The following ADGRL4 variants were observed in gnomAD, a reference collection of about 807,000 sequenced individuals.
The protein encoded by ADGRL4 is EGF, latrophilin and seven transmembrane domain containing 1.
Under a neutral mutation model 74.8 loss-of-function variants are expected in ADGRL4, and 90 were observed. The ratio of observed to expected loss-of-function variants is 1.20; its 90% confidence interval spans 1.02 to 1.43. The LOEUF (loss-of-function observed/expected upper bound fraction) is 1.43. Among genes scored for constraint, ADGRL4 ranks in the 40% most tolerant of loss-of-function variants. ADGRL4 has a pLI of 0.00. For synonymous variants in ADGRL4, 311 were observed against 279.2 expected (o/e 1.11, Z -1.14); for missense variants, 881 against 814.3 (o/e 1.08, Z -1.00).
intron 2 of ADGRL4, among the ~76,000 whole-genome samples, chr1:78,984,660 C>T (rs999718920): frequency 6.6e-6 from 1 of 151,640 alleles, no homozygotes; most frequent in African/African-American, 2.4e-5. Flanking sequence ...AGAAAGCAGA[C>T]AACAGAGTAG....
intron 12 of ADGRL4, among the ~76,000 whole-genome samples, chr1:78,894,665 T>A (rs949018346): frequency 6.6e-6 from 1 of 151,866 alleles, no homozygotes; most frequent in Non-Finnish European, 1.5e-5. Flanking sequence ...TATATGCACA[T>A]ATATTTACAA....
intron 12 of ADGRL4, among the ~76,000 whole-genome samples, chr1:78,904,821 T>C (rs1648601856): frequency 6.6e-6 from 1 of 152,068 alleles, no homozygotes. Context: ...TGTTTGTGTG[T>C]ATTAAATTAC....
At chr1:78,964,835 T>G (rs909222941) in intron 2 of ADGRL4, among the ~76,000 whole-genome samples, 1 of 152,194 alleles carries the variant, frequency 6.6e-6, no homozygotes, top group African/African-American at 2.4e-5. Flanking sequence ...GTATCAAAGT[T>G]GTTTCTTTCA....
intron 2 of ADGRL4, among the ~76,000 whole-genome samples, chr1:78,988,513 T>C (rs1353123661): frequency 6.6e-6 from 1 of 151,878 alleles, no homozygotes; most frequent in Middle Eastern, 3.2e-3. Context: ...CTCAGAAATG[T>C]TGCTGAACTG....
chr1:78,917,328 T>C (rs1426717644), intron 12 of ADGRL4, among the ~76,000 whole-genome samples: 1 of 151,716 alleles, frequency 6.6e-6, no homozygotes, highest in Non-Finnish European at 1.5e-5. Flanking sequence ...CTATACTCCA[T>C]CAAGAGGGGC....
intron 2 of ADGRL4, among the ~76,000 whole-genome samples, chr1:78,975,750 A>C (rs183066138): frequency 1.3e-5 from 2 of 151,954 alleles, no homozygotes; most frequent in Admixed American, 1.3e-4. Context: ...TATATATTTC[A>C]TAGATAATGG....
intron 12 of ADGRL4, among the ~76,000 whole-genome samples, chr1:78,895,838 G>A (rs534343887): frequency 1.3e-5 from 2 of 152,124 alleles, no homozygotes; most frequent in African/African-American, 2.4e-5. Flanking sequence ...TTTATGTACT[G>A]TAGGCTTTCT....
intron 3 of ADGRL4, among the ~76,000 whole-genome samples, chr1:78,943,465 AC>A (rs1649532458): frequency 6.6e-6 from 1 of 152,198 alleles, no homozygotes; most frequent in African/African-American, 2.4e-5. Flanking sequence ...AGCAAAATGA[AC>A]TTATGTGTCG....
At chr1:78,976,978 T>C (rs1027528296) in intron 2 of ADGRL4, among the ~76,000 whole-genome samples, 11 of 151,780 alleles carry the variant, frequency 7.2e-5, no homozygotes, top group Non-Finnish European at 1.6e-4. Flanking sequence ...AGTACAAATC[T>C]ACAGACCAAT....
Position 78,926,947 on chromosome 1 carries a change from C to T in ADGRL4, c.1022G>A (p.Ser341Asn). The part of the protein sequence containing the change: ...VISSVISVSM[S>N]SNPPTLYELE... ...TTCATATAATGTGGGTGGGTTTGAG[C>T]TCATTGAGACTGAAATTACTGAAGA... Residue 341 changes from serine to asparagine, a missense_variant, in exon 8 of 15, where the codon AGC (serine) becomes AAC (asparagine). Coordinates refer to ENST00000370742, the MANE Select transcript of ADGRL4 (RefSeq NM_022159.4). 6.2e-7 allele frequency: 1 copy of T among 1,612,176 alleles called. No homozygotes were observed. Among genetic ancestry groups the T allele is most frequent in the Non-Finnish European group, 8.5e-7 (1 of 1,178,884 alleles).
intron 2 of ADGRL4, among the ~76,000 whole-genome samples, chr1:78,962,030 G>T (rs762705438): frequency 1.3e-5 from 2 of 151,960 alleles, no homozygotes; most frequent in African/African-American, 4.8e-5. Flanking sequence ...GCAGGCATGC[G>T]CCATCACACC....
At chr1:78,970,598 A>T (rs1239837481) in intron 2 of ADGRL4, among the ~76,000 whole-genome samples, 2 of 152,100 alleles carry the variant, frequency 1.3e-5, no homozygotes, top group Non-Finnish European at 2.9e-5. Flanking sequence ...TCCCTCATGT[A>T]CCCCAGGTAT....
chr1:78,978,484 CA>C (rs1353095644), intron 2 of ADGRL4, among the ~76,000 whole-genome samples: 2 of 151,950 alleles, frequency 1.3e-5, no homozygotes, highest in Non-Finnish European at 2.9e-5. Flanking sequence ...GTCAATGTTT[CA>C]GTTCTTCTCG....
rs777939938 is a variant in ADGRL4, at chr1:78,920,329, G to A, written c.1315C>T (p.Leu439=). ...AAAATGCATATGGCAAGACAAATCA[G>A]TGAAATAATTATTCCTAGTTGAGTG... ...RITQLGIIIS[L]ICLAICIFTF... is the part of the protein sequence containing the mutation. Residue 439 remains leucine, a synonymous_variant, in exon 10 of 15, where the codon CTG becomes TTG. Transcript: ENST00000370742. 20 of 1,608,694 alleles carry A rather than the reference G, an allele frequency of 1.2e-5. No homozygotes were observed. In the African/African-American group the frequency reaches 2.1e-4, roughly 17 times the overall value.
intron 2 of ADGRL4, among the ~76,000 whole-genome samples, chr1:79,002,073 T>C (rs1650855340): frequency 6.6e-6 from 1 of 152,122 alleles, no homozygotes; most frequent in Non-Finnish European, 1.5e-5. Context: ...CATTAGCAAT[T>C]TCCTTTGGAA....
intron 2 of ADGRL4, among the ~76,000 whole-genome samples, chr1:79,001,448 A>G (rs1374750905): frequency 6.6e-6 from 1 of 152,064 alleles, no homozygotes; most frequent in African/African-American, 2.4e-5. Context: ...GAAAGAAAGA[A>G]AAACAAAATA....
intron 12 of ADGRL4, among the ~76,000 whole-genome samples, chr1:78,913,612 G>A (rs892485863): frequency 4.6e-5 from 7 of 151,790 alleles, no homozygotes; most frequent in African/African-American, 1.7e-4. Context: ...GCAGACATTG[G>A]AGCCTACTTG....
chr1:78,990,738 A>AT (rs1650591667), intron 2 of ADGRL4, among the ~76,000 whole-genome samples: 1 of 152,010 alleles, frequency 6.6e-6, no homozygotes, highest in African/African-American at 2.4e-5. Flanking sequence ...TTGAAGAAGC[A>AT]TAACACTAAA....
chr1:78,997,188 G>A (rs1028629676), intron 2 of ADGRL4, among the ~76,000 whole-genome samples: 1 of 152,060 alleles, frequency 6.6e-6, no homozygotes, highest in African/African-American at 2.4e-5. Context: ...ATTAAAAGAA[G>A]TCAAATCGGG....
Sources: gnomAD v4.1 joint callset for allele counts (sites outside exome capture counted in the v4.1 genomes callset) on GRCh38, gnomAD v4.1.1 for gene constraint, MANE v1.5 for transcripts, NCBI Gene and HGNC (gene_info 2026-07-23, HGNC 2026-07-21) for gene names.